Variants in SCN8A observed in about 807,000 individuals in gnomAD.
SCN8A encodes the protein sodium channel protein type 8 subunit alpha.
A neutral mutation model predicts 184.1 loss-of-function variants in SCN8A; 30 were observed. The observed-to-expected ratio is 0.16, with a 90% CI of 0.12 to 0.22. The LOEUF (loss-of-function observed/expected upper bound fraction) is 0.22, where lower values mean the gene tolerates loss of function less well. SCN8A is among the 10% of genes least tolerant of loss of function. The pLI, the probability that SCN8A is intolerant of heterozygous loss-of-function variation, is 1.00. For missense variants in SCN8A, 1,057 were observed against 2,498.9 expected (o/e 0.42, Z 12.30); for synonymous variants, 852 against 907.0 (o/e 0.94, Z 1.09).
intron 26 of SCN8A, among the ~76,000 whole-genome samples, chr12:51,800,235 TA>T: frequency 6.6e-6 from 1 of 152,366 alleles, no homozygotes; most frequent in East Asian, 1.9e-4. Context: ...GCATATCAGA[TA>T]CCAGGAGATG....
chr12:51,641,602 G>C (rs548762617), intron 1 of SCN8A, among the ~76,000 whole-genome samples: 1 of 152,316 alleles, frequency 6.6e-6, no homozygotes, highest in African/African-American at 2.4e-5. Context: ...ACAAAATTGG[G>C]ATGTATGTTG....
Position 51,652,168 on chromosome 12 carries a change from C to G in SCN8A, c.-54-10596C>G, listed in dbSNP as rs187115347. Among the ~76,000 whole-genome samples the G allele has an allele frequency of 6.6e-5, 10 of 152,234 alleles. No individual in the cohort carries two copies. In the East Asian group the frequency reaches 1.9e-3, roughly 29 times the overall value. ...TTAATCTGAACACTCTGCATCACAT[C>G]TTATTCCTTGTCTCGGTGAATTTCA... On this transcript the variant is annotated intron_variant, in intron 1 of 26. Coordinates refer to ENST00000627620, the MANE Select transcript of SCN8A (RefSeq NM_001330260.2).
chr12:51,794,078 A>G (rs1938342282), intron 25 of SCN8A, among the ~76,000 whole-genome samples: 1 of 149,860 alleles, frequency 6.7e-6, no homozygotes, highest in Admixed American at 6.6e-5. Context: ...CCTAGGAGGC[A>G]GAGGCTGCAG....
chr12:51,632,629 A>G (rs1391409401), intron 1 of SCN8A, among the ~76,000 whole-genome samples: 2 of 152,212 alleles, frequency 1.3e-5, no homozygotes, highest in Non-Finnish European at 2.9e-5. Flanking sequence ...CTGTAGTGGT[A>G]TCTCTAAATT....
chr12:51,781,481 C>CAGCTAG (rs1430906359), intron 21 of SCN8A, among the ~76,000 whole-genome samples: 4 of 152,102 alleles, frequency 2.6e-5, no homozygotes, highest in Non-Finnish European at 5.9e-5. Flanking sequence ...GACTGAATAT[C>CAGCTAG]AGCTAGTTCT....
intron 18 of SCN8A, 164 bp from the exon 19 acceptor site, chr12:51,770,365 G>T: frequency 1.3e-6 from 1 of 786,748 alleles, no homozygotes; most frequent in East Asian, 2.7e-5. Flanking sequence ...CATAGCCCCA[G>T]CCCTGCCACC....
intron 1 of SCN8A, among the ~76,000 whole-genome samples, chr12:51,604,019 G>A (rs1939528963): frequency 6.6e-6 from 1 of 151,924 alleles, no homozygotes; most frequent in Non-Finnish European, 1.5e-5. Flanking sequence ...CCACTCTTTA[G>A]CTTAGCTTTT....
intron 12 of SCN8A, among the ~76,000 whole-genome samples, chr12:51,743,709 T>G (rs1235641297): frequency 6.6e-6 from 1 of 152,180 alleles, no homozygotes; most frequent in Admixed American, 6.5e-5. Context: ...GCCCTAGGGC[T>G]CTATAGTCAG....
At chr12:51,711,334 C>CA (rs1264425066) in intron 11 of SCN8A, among the ~76,000 whole-genome samples, 8 of 151,748 alleles carry the variant, frequency 5.3e-5, no homozygotes, top group Admixed American at 3.3e-4. Context: ...TCTCTCCATT[C>CA]AAAAAAAATA....
chr12:51,593,655 G>T (rs1344584667), intron 1 of SCN8A, among the ~76,000 whole-genome samples: 1 of 152,106 alleles, frequency 6.6e-6, no homozygotes. Context: ...GTTCTGCGGC[G>T]AAGTGCACAC....
At chr12:51,629,582 C>CAAA (rs71092711) in intron 1 of SCN8A, among the ~76,000 whole-genome samples, 41 of 129,510 alleles carry the variant, frequency 3.2e-4, no homozygotes, top group South Asian at 7.6e-4. Flanking sequence ...ATCAGTTTTG[C>CAAA]AAAAAAAAAA....
chr12:51,738,244 G>A (rs1406524879), intron 12 of SCN8A, among the ~76,000 whole-genome samples: 1 of 152,088 alleles, frequency 6.6e-6, no homozygotes, highest in Non-Finnish European at 1.5e-5. Context: ...TAGAACTTGT[G>A]CTCCCCATTG....
intron 12 of SCN8A, among the ~76,000 whole-genome samples, chr12:51,735,753 C>T (rs183488743): frequency 5.0e-4 from 76 of 152,254 alleles, no homozygotes; most frequent in African/African-American, 1.6e-3. Context: ...GGGGGGTCCT[C>T]GGGATCCTCC....
chr12:51,770,874 T>C (rs761070134), intron 19 of SCN8A, among the ~76,000 whole-genome samples, 191 bp downstream of exon 19: 1 of 152,222 alleles, frequency 6.6e-6, no homozygotes, highest in Non-Finnish European at 1.5e-5. Context: ...CTTGTTCACA[T>C]TGTGATCCTC....
At chr12:51,672,555 C>A (rs1053130703) in intron 2 of SCN8A, among the ~76,000 whole-genome samples, 1 of 152,128 alleles carries the variant, frequency 6.6e-6, no homozygotes, top group African/African-American at 2.4e-5. Flanking sequence ...CACATTCTCC[C>A]TGGATGATCT....
At chr12:51,800,687 T>C (rs1938532617) in intron 26 of SCN8A, among the ~76,000 whole-genome samples, 1 of 152,122 alleles carries the variant, frequency 6.6e-6, no homozygotes, top group African/African-American at 2.4e-5. Flanking sequence ...GAGCTGAAAC[T>C]TCATTAATTA....
intron 1 of SCN8A, among the ~76,000 whole-genome samples, chr12:51,657,415 C>T (rs933583029): frequency 6.6e-6 from 1 of 151,994 alleles, no homozygotes; most frequent in Non-Finnish European, 1.5e-5. Context: ...ACGTTTTGGC[C>T]ATTTATATGT....
Position 51,701,132 on chromosome 12 carries a change from A to C in SCN8A, c.929-12A>C, listed in dbSNP as rs1411425044. 2.5e-6 allele frequency: 4 copies of C among 1,610,266 alleles called. No individual in the cohort carries two copies. The highest frequency in any genetic ancestry group is 2.7e-5 in the African/African-American group (2 of 74,832). On this transcript the variant is annotated splice_polypyrimidine_tract_variant and intron_variant, in intron 7 of 26. Transcript: ENST00000627620. ...CTGCCTGTTCATTTCCTGCCTCTTC[A>C]AACTTTTCTAGCAAATTTCTACACA...
At chr12:51,745,111 A>C (rs1942488870) in intron 12 of SCN8A, among the ~76,000 whole-genome samples, 1 of 152,198 alleles carries the variant, frequency 6.6e-6, no homozygotes, top group Admixed American at 6.5e-5. Context: ...GGACATGAAG[A>C]AACCCTTTGC....
Sources: gnomAD v4.1 joint callset for allele counts (sites outside exome capture counted in the v4.1 genomes callset) on GRCh38, gnomAD v4.1.1 for gene constraint, MANE v1.5 for transcripts, NCBI Gene and HGNC (gene_info 2026-07-23, HGNC 2026-07-21) for gene names.